Variants in KLF15 observed in about 807,000 individuals in gnomAD.
KLF15 encodes the protein KLF transcription factor 15.
In KLF15, 4 loss-of-function variants were observed where a neutral mutation model predicts 24.6. The ratio of observed to expected loss-of-function variants is 0.16; its 90% CI spans 0.08 to 0.37. The LOEUF (loss-of-function observed/expected upper bound fraction) is 0.37. Among genes scored for constraint, KLF15 ranks in the 10% least tolerant of loss-of-function variants. KLF15 has a pLI of 1.00. For missense variants in KLF15, 496 were observed against 560.6 expected (o/e 0.88, Z 1.16); for synonymous variants, 246 against 236.3 (o/e 1.04, Z -0.37).
chr3:126,337,924 C>G (rs1017880448), downstream of KLF15, among the ~76,000 whole-genome samples: 6 of 152,152 alleles, frequency 3.9e-5, no homozygotes, highest in South Asian at 4.1e-4. Context: ...GTGCAAAAAG[C>G]AAGTCCCTGG....
At chr3:126,326,960 C>T in the KLF15 span, among the ~76,000 whole-genome samples, 1 of 151,976 alleles carries the variant, frequency 6.6e-6, no homozygotes, top group African/African-American at 2.4e-5. Context: ...CTTGAATACC[C>T]CTCCCTAGCC....
At chr3:126,323,460 T>C in the KLF15 span, among the ~76,000 whole-genome samples, 2 of 96,974 alleles carry the variant, frequency 2.1e-5, no homozygotes, top group East Asian at 5.2e-4. Context: ...TATATATATA[T>C]AACATATATA....
rs11924232 is a variant in KLF15, at chr3:126,345,686, G to T, written c.1083-1791C>A. On this transcript the variant is annotated intron_variant, in intron 2 of 2. Coordinates refer to ENST00000296233, the MANE Select transcript of KLF15 (RefSeq NM_014079.4). ...GCGAGAGGCGGTGCCCAGAGCAGCA[G>T]TTCCCACCCAGCAATTGGTAAGGGC... Among the ~76,000 whole-genome samples the T allele has an allele frequency of 3.0e-3, 464 of 152,264 alleles. 4 individuals are homozygous for T. The highest frequency in any genetic ancestry group is 0.011 in the African/African-American group (446 of 41,556).
chr3:126,290,352 A>G, the KLF15 span, among the ~76,000 whole-genome samples: 1 of 152,018 alleles, frequency 6.6e-6, no homozygotes, highest in Non-Finnish European at 1.5e-5. Context: ...GCACCTGTGG[A>G]CCCCACCCCA....
At chr3:126,330,943 T>A in the KLF15 span, among the ~76,000 whole-genome samples, 1 of 152,182 alleles carries the variant, frequency 6.6e-6, no homozygotes, top group Non-Finnish European at 1.5e-5. Flanking sequence ...CCAGAATCCC[T>A]CTCATAAGGG....
At chr3:126,301,610 CTTTTTTT>C in the KLF15 span, among the ~76,000 whole-genome samples, 104 of 132,280 alleles carry the variant, frequency 7.9e-4, no homozygotes, top group Non-Finnish European at 1.0e-3. Context: ...TTTTCTTTTT[CTTTTTTT>C]TTTTTTTTTT....
the KLF15 span, among the ~76,000 whole-genome samples, chr3:126,300,124 G>C: frequency 1.3e-5 from 2 of 152,096 alleles, no homozygotes; most frequent in African/African-American, 4.8e-5. Flanking sequence ...CGGGGGCTCT[G>C]GGGACCCGGG....
chr3:126,322,253 T>C, the KLF15 span, among the ~76,000 whole-genome samples: 3 of 152,208 alleles, frequency 2.0e-5, no homozygotes, highest in African/African-American at 7.2e-5. Context: ...CACTTGGTTA[T>C]TTTCTTACAG....
chr3:126,334,929 C>G, the KLF15 span, among the ~76,000 whole-genome samples: 1 of 103,896 alleles, frequency 9.6e-6, no homozygotes, highest in Non-Finnish European at 1.9e-5. Flanking sequence ...TGGCAATAAT[C>G]AATAGTTTAC....
At chr3:126,310,332 C>T in the KLF15 span, among the ~76,000 whole-genome samples, 1 of 152,232 alleles carries the variant, frequency 6.6e-6, no homozygotes, top group Non-Finnish European at 1.5e-5. Flanking sequence ...CCAGGCCTGG[C>T]TGCAGGCTAT....
the KLF15 span, among the ~76,000 whole-genome samples, chr3:126,308,929 C>G: frequency 6.6e-6 from 1 of 152,124 alleles, no homozygotes. Flanking sequence ...AGGTTGTGAT[C>G]AGGGAGAGGG....
chr3:126,347,911 G>A (rs145310701), intron 2 of KLF15, among the ~76,000 whole-genome samples: 397 of 152,322 alleles, frequency 2.6e-3, no homozygotes, highest in African/African-American at 9.4e-3. Context: ...CCGAGCACAG[G>A]ACATGGTACT....
At chr3:126,340,719 C>A (rs2082473869), downstream of KLF15, among the ~76,000 whole-genome samples, 1 of 152,144 alleles carries the variant, frequency 6.6e-6, no homozygotes, top group Non-Finnish European at 1.5e-5. Context: ...GAGTCCAGGG[C>A]CCATCTCCAC....
At chr3:126,309,420 A>G in the KLF15 span, among the ~76,000 whole-genome samples, 2 of 152,236 alleles carry the variant, frequency 1.3e-5, no homozygotes, top group South Asian at 2.1e-4. Flanking sequence ...GGTGAGAGTC[A>G]CAGATAAGCA....
chr3:126,355,031 G>A (rs894926650), intron 1 of KLF15, among the ~76,000 whole-genome samples: 4 of 152,244 alleles, frequency 2.6e-5, no homozygotes, highest in African/African-American at 9.6e-5. Flanking sequence ...CAGCCTGCAG[G>A]CACGGCAAAC....
rs1425954359 is a variant in KLF15 at position 126,349,488 on chromosome 3, C to A, written c.1082+2353G>T. Among the ~76,000 whole-genome samples, 3 of 152,300 alleles carry A rather than the reference C, an allele frequency of 2.0e-5. No homozygotes were observed. The East Asian group carries it at 5.8e-4, about 29-fold the overall frequency. Reference sequence around the variant, plus strand: ...TCAGAGCTGAATCCCCTCCACAGGTCCCCACTCTCTCATGTACACCCCCTG... The same window carrying A: ...TCAGAGCTGAATCCCCTCCACAGGTACCCACTCTCTCATGTACACCCCCTG... On this transcript the variant is annotated intron_variant, in intron 2 of 2. Transcript: ENST00000296233.
chr3:126,295,559 A>T, the KLF15 span, among the ~76,000 whole-genome samples: 1 of 152,216 alleles, frequency 6.6e-6, no homozygotes, highest in Admixed American at 6.5e-5. Context: ...TGGCCAGATC[A>T]GTGCCTCCTC....
the KLF15 span, among the ~76,000 whole-genome samples, chr3:126,320,028 G>T: frequency 1.3e-5 from 2 of 152,172 alleles, no homozygotes; most frequent in Admixed American, 6.5e-5. Flanking sequence ...CTGGAGCAGG[G>T]GGATCAGTGT....
chr3:126,334,014 G>A, the KLF15 span, among the ~76,000 whole-genome samples: 11 of 152,028 alleles, frequency 7.2e-5, no homozygotes, highest in Non-Finnish European at 1.5e-4. Context: ...ACAGATCAAC[G>A]AGACAGAAAG....
Sources: gnomAD v4.1 joint callset for allele counts (sites outside exome capture counted in the v4.1 genomes callset) on GRCh38, gnomAD v4.1.1 for gene constraint, MANE v1.5 for transcripts, NCBI Gene and HGNC (gene_info 2026-07-23, HGNC 2026-07-21) for gene names.